Variants in MYL3 observed in about 807,000 individuals in gnomAD.
The protein encoded by MYL3 is CMLC1.
In MYL3, 11 loss-of-function variants were observed where a neutral mutation model predicts 21.3. That is an observed-to-expected ratio of 0.52 (90% CI 0.32 to 0.85). The LOEUF (loss-of-function observed/expected upper bound fraction) is 0.85. Ranked by LOEUF, MYL3 falls within the 40% of genes least tolerant of loss-of-function variation. The probability of loss-of-function intolerance (pLI) is 0.03; values close to 1 mark genes in which losing one functional copy is unlikely to be tolerated. For missense variants in MYL3, 206 were observed against 253.3 expected (o/e 0.81, Z 1.27); for synonymous variants, 88 against 91.6 (o/e 0.96, Z 0.22).
chr3:46,866,352 C>T (rs983205578), upstream of MYL3: 2 of 152,278 alleles, frequency 1.3e-5, no homozygotes, highest in African/African-American at 2.4e-5. Context: ...CAGGCTGGCA[C>T]ACGCCATGTC....
At chr3:46,867,850 G>T (rs1238482068), upstream of MYL3, among the ~76,000 whole-genome samples, 1 of 152,220 alleles carries the variant, frequency 6.6e-6, no homozygotes, top group Non-Finnish European at 1.5e-5. Context: ...CACTTACCAG[G>T]GCCCACTTGT....
chr3:46,865,364 C>T (rs1412160994), upstream of MYL3, among the ~76,000 whole-genome samples: 1 of 152,122 alleles, frequency 6.6e-6, no homozygotes, highest in East Asian at 1.9e-4. This position sits in a 1 kb window ranked among gnomAD's most constrained non-coding sequence, Gnocchi z 4.3. Context: ...GGAGACGAGC[C>T]AGAAATACCA....
chr3:46,872,762 C>T (rs1177217043), intron 1 of MYL3, among the ~76,000 whole-genome samples: 4 of 152,220 alleles, frequency 2.6e-5, no homozygotes, highest in Admixed American at 2.6e-4. Flanking sequence ...TCCAGCTCAA[C>T]CCCTGGGGCT....
intron 1 of MYL3, among the ~76,000 whole-genome samples, chr3:46,877,536 G>A (rs776984411): frequency 6.6e-6 from 1 of 152,204 alleles, no homozygotes; most frequent in East Asian, 1.9e-4. Context: ...GCAGACCCAT[G>A]GGTGCTGAGG....
chr3:46,868,841 C>G (rs1196540714), intron 1 of MYL3, among the ~76,000 whole-genome samples: 1 of 152,202 alleles, frequency 6.6e-6, no homozygotes, highest in African/African-American at 2.4e-5. Context: ...AGATACTGCA[C>G]CCCTGTTTAG....
At chr3:46,876,232 G>A (rs891891571) in intron 1 of MYL3, among the ~76,000 whole-genome samples, 1 of 152,226 alleles carries the variant, frequency 6.6e-6, no homozygotes, top group Non-Finnish European at 1.5e-5. Context: ...AAAGGCCCCA[G>A]CCTCCTGCTT....
intron 1 of MYL3, among the ~76,000 whole-genome samples, chr3:46,871,267 TG>T (rs1466054314): frequency 2.0e-5 from 3 of 152,044 alleles, no homozygotes; most frequent in Non-Finnish European, 4.4e-5. Context: ...TCTGTTTGTG[TG>T]TGAACGTGTG....
At chr3:46,878,965 G>A (rs1194807549) in intron 1 of MYL3, among the ~76,000 whole-genome samples, 1 of 152,202 alleles carries the variant, frequency 6.6e-6, no homozygotes. Flanking sequence ...ACACTAACCA[G>A]AAACTGACTC....
chr3:46,862,208 C>T (rs1393898344), intron 1 of MYL3, among the ~76,000 whole-genome samples: 7 of 152,204 alleles, frequency 4.6e-5, no homozygotes, highest in Admixed American at 2.6e-4. Flanking sequence ...ACAGCCTCAC[C>T]ATGAGGCCTG....
At chr3:46,868,608 C>A (rs1160433517) in intron 1 of MYL3, among the ~76,000 whole-genome samples, 5 of 152,150 alleles carry the variant, frequency 3.3e-5, no homozygotes, top group Admixed American at 2.0e-4. Context: ...GCTGTGGCCA[C>A]GGCCGCTATA....
At position 46,869,586 on chromosome 3, in the gene MYL3, A is replaced by G. The variant is rs531050322; in HGVS notation, c.-217-2986T>C. 1.1e-4 allele frequency among the ~76,000 whole-genome samples: 16 copies of G among 152,334 alleles called. No homozygotes were observed. In the South Asian group the frequency reaches 3.3e-3, roughly 32 times the overall value. The stretch of plus-strand genomic sequence containing the variant: ...ATAGTCTATGTGTGTGTAACCATGG[A>G]CAAGAGGATGAGGCCACACGTGTGA... On this transcript the variant is annotated intron_variant, in intron 1 of 3. Transcript: ENST00000431168.
Position 46,859,141 on chromosome 3 carries a change from T to C in MYL3, c.481+334A>G, listed in dbSNP as rs1185112669. On this transcript the variant is annotated intron_variant, in intron 4 of 6. Coordinates refer to ENST00000292327, the MANE Select transcript of MYL3 (RefSeq NM_000258.3). The surrounding 1 kb of genome is among the most constrained non-coding windows in gnomAD (Gnocchi z 4.1). Reference sequence around the variant, plus strand: ...CCAGGCGGCAGGCACTTGACCTGCTTGACCACTTAGGGCTGTGGCCCTGGA... The same window carrying C: ...CCAGGCGGCAGGCACTTGACCTGCTCGACCACTTAGGGCTGTGGCCCTGGA... Among the ~76,000 whole-genome samples, 1 of 152,144 alleles carries C rather than the reference T, an allele frequency of 6.6e-6. No homozygotes were observed. The highest frequency in any genetic ancestry group is 1.5e-5 in the Non-Finnish European group (1 of 68,000).
chr3:46,858,322 T>C (rs1289786628), intron 5 of MYL3, 50 bp from the exon 6 acceptor site: 2 of 1,614,056 alleles, frequency 1.2e-6, no homozygotes, highest in Admixed American at 1.7e-5. Flanking sequence ...GGGGAAGCCA[T>C]GGCTGGGAGC....
upstream of MYL3, among the ~76,000 whole-genome samples, chr3:46,864,094 C>T (rs552546545): frequency 2.0e-5 from 3 of 151,368 alleles, no homozygotes; most frequent in Admixed American, 6.6e-5. This position sits in a 1 kb window ranked among gnomAD's most constrained non-coding sequence, Gnocchi z 4.7. Flanking sequence ...ATGTGTGCTC[C>T]GTATCTGTGT....
intron 4 of MYL3, 93 bp from the exon 5 acceptor site, chr3:46,858,554 C>T (rs1255511159): frequency 4.9e-6 from 6 of 1,217,642 alleles, no homozygotes; most frequent in African/African-American, 4.5e-5. Context: ...GTGGCTCAAC[C>T]TCTCCAGTAT....
At chr3:46,863,768 G>A (rs1410768786), upstream of MYL3, among the ~76,000 whole-genome samples, 2 of 152,170 alleles carry the variant, frequency 1.3e-5, no homozygotes, top group African/African-American at 4.8e-5. Flanking sequence ...CTGCAGGTCC[G>A]TAAGTTGAAG....
upstream of MYL3, among the ~76,000 whole-genome samples, chr3:46,867,796 C>T (rs1037920145): frequency 2.0e-5 from 3 of 152,238 alleles, no homozygotes; most frequent in Admixed American, 6.5e-5. Context: ...GCAGCAGGTC[C>T]TGGGGACCCT....
chr3:46,859,384 A>G lies in MYL3; in HGVS notation c.481+91T>C. ...CTAATTATGTAACTCTCTCCATTTC[A>G]CCAATGGGTCACAGGCCTGGGGGGC... On this transcript the variant is annotated intron_variant, in intron 4 of 6. Transcript: ENST00000292327. This position sits in a 1 kb window ranked among gnomAD's most constrained non-coding sequence, Gnocchi z 4.1. The G allele has an allele frequency of 6.5e-7, 1 of 1,531,528 alleles. No individual in the cohort carries two copies. The highest frequency in any genetic ancestry group is 9.0e-7 in the Non-Finnish European group (1 of 1,110,460). 94.9% of individuals were successfully genotyped at this position (1,531,528 alleles called of 1,614,324 possible). A position where few individuals can be genotyped will look rare whatever the true frequency, so the allele number is the denominator to read the frequency against.
At chr3:46,877,500 C>G (rs948695775) in intron 1 of MYL3, among the ~76,000 whole-genome samples, 31 of 152,076 alleles carry the variant, frequency 2.0e-4, no homozygotes, top group Non-Finnish European at 3.8e-4. Context: ...TGTCTGGCAG[C>G]CTGAGTGGGC....
Sources: allele counts gnomAD v4.1 joint callset (sites outside exome capture counted in the v4.1 genomes callset), GRCh38; gene constraint gnomAD v4.1.1; non-coding constraint Gnocchi (gnomAD v3.1); transcripts MANE v1.5; gene names NCBI Gene and HGNC (gene_info 2026-07-23, HGNC 2026-07-21).